Variants in TBL1XR1 observed in about 807,000 individuals in gnomAD.
TBL1XR1 encodes TBL1X/Y related 1.
A neutral mutation model predicts 66.9 loss-of-function variants in TBL1XR1; 5 were observed. The observed-to-expected ratio is 0.07, with a 90% CI of 0.04 to 0.16. The LOEUF (loss-of-function observed/expected upper bound fraction) is 0.16. TBL1XR1 is among the 10% of genes least tolerant of loss of function. The pLI is 1.00. For synonymous variants in TBL1XR1, 210 were observed against 206.0 expected, an observed-to-expected ratio of 1.02 and a Z score of -0.17; for missense variants, 238 against 623.2, an observed-to-expected ratio of 0.38 and a Z score of 6.58.
In TBL1XR1 at chr3:177,193,723, T is replaced by A. The variant is rs140240797; in HGVS notation, c.-122+3398A>T. ...TTTAGTACAGACGCTCAACTATAGA[T>A]CATAAACTTGATTAGAAACACAAGT... On this transcript the variant is annotated intron_variant, in intron 1 of 15. Coordinates refer to ENST00000457928, the MANE Select transcript of TBL1XR1 (RefSeq NM_024665.7). Among the ~76,000 whole-genome samples, 34 of 152,176 alleles carry A rather than the reference T, an allele frequency of 2.2e-4. 1 individual carries two copies. The East Asian group carries it at 6.6e-3, about 29-fold the overall frequency.
chr3:177,093,284 T>C (rs1396683575), intron 2 of TBL1XR1, among the ~76,000 whole-genome samples: 2 of 152,218 alleles, frequency 1.3e-5, no homozygotes, highest in South Asian at 2.1e-4. Context: ...GAAAGACCTC[T>C]ACAAGGAAAA....
intron 2 of TBL1XR1, among the ~76,000 whole-genome samples, chr3:177,069,140 C>T (rs900688496): frequency 6.6e-6 from 1 of 152,160 alleles, no homozygotes; most frequent in Non-Finnish European, 1.5e-5. Context: ...AGACAGTCTC[C>T]TCTACTTCTA....
At chr3:177,098,145 G>A (rs955525137) in intron 2 of TBL1XR1, among the ~76,000 whole-genome samples, 2 of 152,056 alleles carry the variant, frequency 1.3e-5, no homozygotes, top group African/African-American at 4.8e-5. Context: ...GGAGGCGGAG[G>A]AGGTTGCAGT....
chr3:177,044,422 A>G (rs1182511352), intron 10 of TBL1XR1, among the ~76,000 whole-genome samples: 6 of 152,130 alleles, frequency 3.9e-5, no homozygotes, highest in Non-Finnish European at 8.8e-5. Context: ...TATTGCAGGA[A>G]TTAAAAATTA....
At chr3:177,098,248 C>T (rs911108902) in intron 2 of TBL1XR1, among the ~76,000 whole-genome samples, 7 of 149,024 alleles carry the variant, frequency 4.7e-5, no homozygotes, top group African/African-American at 1.7e-4. Flanking sequence ...TAGAAATTTT[C>T]AAAAGTAGCA....
At chr3:177,030,267 AAATT>A (rs1224679939) in intron 14 of TBL1XR1, among the ~76,000 whole-genome samples, 2 of 151,894 alleles carry the variant, frequency 1.3e-5, no homozygotes, top group African/African-American at 2.4e-5. Context: ...ATAAATTTGA[AAATT>A]AATATATTCA....
chr3:177,048,055 T>C (rs1716558750), intron 7 of TBL1XR1: 1 of 152,700 alleles, frequency 6.5e-6, no homozygotes, highest in Non-Finnish European at 1.5e-5. Context: ...GATTCTTAAA[T>C]ACTTGAATGT....
At chr3:177,166,208 G>A (rs1732801311) in intron 1 of TBL1XR1, among the ~76,000 whole-genome samples, 2 of 152,058 alleles carry the variant, frequency 1.3e-5, no homozygotes, top group African/African-American at 4.8e-5. Context: ...GCAACATGGT[G>A]AAACTCCCAT....
intron 1 of TBL1XR1, among the ~76,000 whole-genome samples, chr3:177,158,224 CTTTTCTTTTT>C (rs1405829829): frequency 2.1e-5 from 3 of 139,682 alleles, no homozygotes; most frequent in South Asian, 2.1e-4. Context: ...GGATTTGTTT[CTTTTCTTTTT>C]TTTTTTTTTT....
chr3:177,107,601 A>C (rs1725034111), intron 1 of TBL1XR1, among the ~76,000 whole-genome samples: 1 of 152,208 alleles, frequency 6.6e-6, no homozygotes, highest in African/African-American at 2.4e-5. Context: ...ACCAAACTTA[A>C]AATGATACAT....
chr3:177,076,472 A>G (rs145145779), intron 2 of TBL1XR1, among the ~76,000 whole-genome samples: 21 of 152,284 alleles, frequency 1.4e-4, no homozygotes, highest in African/African-American at 4.8e-4. Context: ...CTCTATAAGG[A>G]CCCTATTTCC....
chr3:177,086,607 GC>G (rs1017639653), intron 2 of TBL1XR1, among the ~76,000 whole-genome samples: 4 of 151,980 alleles, frequency 2.6e-5, no homozygotes, highest in Non-Finnish European at 5.9e-5. Flanking sequence ...TATAATTAGA[GC>G]CCACAATTTT....
At chr3:177,129,708 A>C (rs1261990504) in intron 1 of TBL1XR1, among the ~76,000 whole-genome samples, 1 of 152,196 alleles carries the variant, frequency 6.6e-6, no homozygotes, top group Non-Finnish European at 1.5e-5. Context: ...CTTAAAAAAA[A>C]AGTACAAGAT....
intron 1 of TBL1XR1, among the ~76,000 whole-genome samples, chr3:177,148,843 A>G (rs867920050): frequency 2.2e-4 from 33 of 152,164 alleles, no homozygotes; most frequent in South Asian, 6.2e-4. Flanking sequence ...TGCCTCTACT[A>G]AAAATGCAAA....
intron 2 of TBL1XR1, among the ~76,000 whole-genome samples, chr3:177,078,370 T>C (rs548419278): frequency 1.7e-3 from 253 of 151,536 alleles, no homozygotes; most frequent in Admixed American, 3.7e-3. Flanking sequence ...GGCGGGAGGA[T>C]CACTTGAGCC....
intron 15 of TBL1XR1, chr3:177,026,028 C>A (rs1343307031): frequency 3.4e-6 from 1 of 295,778 alleles, no homozygotes; most frequent in Non-Finnish European, 6.2e-6. Context: ...CTTCCCTGGG[C>A]CAAAAAAATT....
intron 1 of TBL1XR1, among the ~76,000 whole-genome samples, chr3:177,101,959 ATTT>A (rs760088212): frequency 1.3e-5 from 2 of 148,972 alleles, no homozygotes; most frequent in African/African-American, 4.9e-5. Context: ...AACCATTAGA[ATTT>A]TTTTTTTTAC....
At chr3:177,140,383 A>G (rs1403390490) in intron 1 of TBL1XR1, among the ~76,000 whole-genome samples, 2 of 152,218 alleles carry the variant, frequency 1.3e-5, no homozygotes, top group African/African-American at 4.8e-5. Flanking sequence ...TTACCAGGTG[A>G]GCAGCCAGAG....
chr3:177,120,904 A>G (rs1047003472), intron 1 of TBL1XR1: 2 of 152,238 alleles, frequency 1.3e-5, no homozygotes, highest in African/African-American at 4.8e-5. Context: ...TTTACTGGTC[A>G]TATTTTATAC....
Sources: allele counts gnomAD v4.1 joint callset (sites outside exome capture counted in the v4.1 genomes callset), GRCh38; gene constraint gnomAD v4.1.1; transcripts MANE v1.5; gene names NCBI Gene and HGNC (gene_info 2026-07-23, HGNC 2026-07-21).